The following CACNA1C variants were observed in gnomAD, a reference collection of about 807,000 sequenced individuals.
The protein encoded by CACNA1C is voltage-dependent L-type calcium channel subunit alpha-1C.
CACNA1C carries 30 observed loss-of-function variants against 229.0 expected under a neutral mutation model. The observed-to-expected ratio is 0.13, with a 90% CI of 0.10 to 0.18. CACNA1C has a LOEUF of 0.18. Ranked by LOEUF, CACNA1C falls within the 10% of genes least tolerant of loss-of-function variation. The pLI is 1.00. For synonymous variants in CACNA1C, 1,114 were observed against 1,132.5 expected, an observed-to-expected ratio of 0.98 and a Z score of 0.33; for missense variants, 1,658 against 2,845.0, an observed-to-expected ratio of 0.58 and a Z score of 9.49.
In CACNA1C at chr12:2,633,198, G is replaced by A. The variant is rs960081187; in HGVS notation, c.3829-1099G>A. ...ACCCTCTGAGGGGTCACACACCTGT[G>A]TTCCCTCCCTCCAGACAGGCCCTTC... is the stretch of plus-strand genomic sequence containing the variant. On this transcript the variant is annotated intron_variant, in intron 29 of 46. Transcript: ENST00000399655. This position sits in a 1 kb window ranked among gnomAD's most constrained non-coding sequence, Gnocchi z 5.8. Among the ~76,000 whole-genome samples the A allele has an allele frequency of 6.6e-6, 1 of 152,182 alleles. No individual in the cohort carries two copies. Among genetic ancestry groups the A allele is most frequent in the Non-Finnish European group, 1.5e-5 (1 of 68,024 alleles).
chr12:2,454,227 C>T (rs1199075969), intron 4 of CACNA1C, among the ~76,000 whole-genome samples: 2 of 152,242 alleles, frequency 1.3e-5, no homozygotes, highest in Admixed American at 6.5e-5. Flanking sequence ...ACTTCTCCAC[C>T]TTCCTGCAGT....
At chr12:2,458,981 C>CTTTTTTTTTTTT (rs71057826) in intron 5 of CACNA1C, among the ~76,000 whole-genome samples, 11 of 105,596 alleles carry the variant, frequency 1.0e-4, no homozygotes, top group African/African-American at 1.8e-4. Flanking sequence ...CTTTTTCTTT[C>CTTTTTTTTTTTT]TTTTTTTTTT....
intron 13 of CACNA1C, among the ~76,000 whole-genome samples, chr12:2,570,890 CT>C (rs2054002808): frequency 6.6e-6 from 1 of 152,194 alleles, no homozygotes; most frequent in Non-Finnish European, 1.5e-5. Flanking sequence ...CAACAGCCTT[CT>C]TTCCCTCTCT....
intron 3 of CACNA1C, among the ~76,000 whole-genome samples, chr12:2,325,449 CT>C (rs2096248997): frequency 1.3e-5 from 2 of 152,310 alleles, no homozygotes; most frequent in African/African-American, 4.8e-5. Flanking sequence ...GAAATTTGTT[CT>C]TTTTGGGTAC....
At chr12:2,497,969 T>TCTCACACACACACACACA (rs145657634) in intron 7 of CACNA1C, among the ~76,000 whole-genome samples, 5 of 143,916 alleles carry the variant, frequency 3.5e-5, no homozygotes, top group African/African-American at 1.3e-4. Context: ...TCTATTAAAT[T>TCTCACACACACACACACA]CACACACACA....
chr12:2,236,594 A>C (rs1305953426), intron 3 of CACNA1C, among the ~76,000 whole-genome samples: 1 of 152,038 alleles, frequency 6.6e-6, no homozygotes, highest in East Asian at 1.9e-4. Context: ...TTAACTTGGC[A>C]CTTCTAGGCT....
intron 1 of CACNA1C, among the ~76,000 whole-genome samples, chr12:2,020,707 A>G (rs1231375537): frequency 6.6e-6 from 1 of 152,236 alleles, no homozygotes; most frequent in Non-Finnish European, 1.5e-5. Flanking sequence ...ATTAGACATC[A>G]TAGCTACAGA....
At chr12:2,302,751 A>G (rs1355128353) in intron 3 of CACNA1C, among the ~76,000 whole-genome samples, 1 of 152,208 alleles carries the variant, frequency 6.6e-6, no homozygotes, top group African/African-American at 2.4e-5. Flanking sequence ...CTCTTACATA[A>G]CATTCATTCA....
chr12:2,262,371 G>A (rs1233584561), intron 3 of CACNA1C, among the ~76,000 whole-genome samples: 4 of 152,370 alleles, frequency 2.6e-5, no homozygotes, highest in South Asian at 4.1e-4. Flanking sequence ...AACACCTGGT[G>A]TGTTTTGAGT....
At chr12:2,659,843 A>C (rs1356547079) in intron 34 of CACNA1C, 1 of 152,252 alleles carries the variant, frequency 6.6e-6, no homozygotes, top group East Asian at 1.9e-4. Context: ...TGCAAAAAGC[A>C]ACATAATTAC....
intron 1 of CACNA1C, among the ~76,000 whole-genome samples, chr12:2,068,978 AGCTGCTGCCATACTCAGACAACTGG>A (rs1333342176): frequency 6.6e-6 from 1 of 152,244 alleles, no homozygotes; most frequent in African/African-American, 2.4e-5. Flanking sequence ...CCGCAGTTCC[AGCTGCTGCCATACTCAGACAACTGG>A]TCCTCTGCAT....
intron 11 of CACNA1C, among the ~76,000 whole-genome samples, chr12:2,564,737 C>T (rs1016544500): frequency 2.0e-5 from 3 of 152,164 alleles, no homozygotes; most frequent in African/African-American, 7.2e-5. Context: ...ACTATTGATT[C>T]TGCCTCTAAA....
At chr12:2,475,465 A>G (rs2099621828) in intron 5 of CACNA1C, among the ~76,000 whole-genome samples, 1 of 152,264 alleles carries the variant, frequency 6.6e-6, no homozygotes, top group African/African-American at 2.4e-5. Flanking sequence ...AGACTTGAAA[A>G]TAACTGTATT....
intron 1 of CACNA1C, among the ~76,000 whole-genome samples, chr12:2,020,972 A>G (rs1439206217): frequency 1.3e-5 from 2 of 152,198 alleles, no homozygotes; most frequent in Admixed American, 6.5e-5. Flanking sequence ...TCTTGGGGCC[A>G]TACATGAAAA....
chr12:2,269,084 G>T (rs748398147), intron 3 of CACNA1C, among the ~76,000 whole-genome samples: 4 of 152,162 alleles, frequency 2.6e-5, no homozygotes, highest in Non-Finnish European at 5.9e-5. Context: ...GGAGTAGCGG[G>T]CACATGATTA....
chr12:2,680,571 G>C lies in CACNA1C; in HGVS notation c.5444+775G>C. On this transcript the variant is annotated intron_variant, in intron 42 of 46. Coordinates refer to ENST00000399655, the MANE Select transcript of CACNA1C (RefSeq NM_000719.7). ...AGCAGGCTGCACAGCCCCCCAGCAT[G>C]CCAGGTTCTTGACATGCTCGCCCTC... 2.6e-6 allele frequency: 4 copies of C among 1,562,898 alleles called. No homozygotes were observed. The South Asian group carries it at 3.5e-5, about 14-fold the overall frequency.
At chr12:2,416,052 G>A (rs1331318013) in intron 3 of CACNA1C, among the ~76,000 whole-genome samples, 1 of 152,106 alleles carries the variant, frequency 6.6e-6, no homozygotes, top group African/African-American at 2.4e-5. Context: ...ACCTCTTCAC[G>A]TGTATCCTCA....
At chr12:2,394,432 A>C (rs560422264) in intron 3 of CACNA1C, among the ~76,000 whole-genome samples, 4 of 152,236 alleles carry the variant, frequency 2.6e-5, no homozygotes, top group Non-Finnish European at 5.9e-5. Context: ...AATTTGAGCC[A>C]CCTTCCCCTG....
chr12:2,579,916 C>T (rs774911304), intron 13 of CACNA1C, among the ~76,000 whole-genome samples: 3 of 152,122 alleles, frequency 2.0e-5, no homozygotes, highest in African/African-American at 4.8e-5. Context: ...TGTTGATCAC[C>T]GGGCAGGCTT....
Sources: allele counts gnomAD v4.1 joint callset (sites outside exome capture counted in the v4.1 genomes callset), GRCh38; gene constraint gnomAD v4.1.1; non-coding constraint Gnocchi (gnomAD v3.1); transcripts MANE v1.5; gene names NCBI Gene and HGNC (gene_info 2026-07-23, HGNC 2026-07-21).